The following ELP4 variants were observed in gnomAD, a reference collection of about 807,000 sequenced individuals.
ELP4 encodes elongator complex protein 4.
ELP4 carries 51 observed loss-of-function variants against 48.9 expected under a neutral mutation model. That is an observed-to-expected ratio of 1.04 (90% CI 0.83 to 1.32). ELP4 has a LOEUF of 1.32. ELP4 is among the 40% of genes most tolerant of loss of function. The pLI is 0.00. For synonymous variants in ELP4, 210 were observed against 189.2 expected, an observed-to-expected ratio of 1.11 and a Z score of -0.90; for missense variants, 519 against 514.6, an observed-to-expected ratio of 1.01 and a Z score of -0.08.
intron 9 of ELP4, among the ~76,000 whole-genome samples, chr11:31,755,805 C>T (rs1373653593): frequency 6.6e-6 from 1 of 151,314 alleles, no homozygotes; most frequent in Non-Finnish European, 1.5e-5. Context: ...TTAGTAATTA[C>T]TTATCAAATT....
chr11:31,543,069 A>T (rs1410042561), intron 3 of ELP4, among the ~76,000 whole-genome samples: 2 of 152,192 alleles, frequency 1.3e-5, no homozygotes, highest in Non-Finnish European at 2.9e-5. Flanking sequence ...AAATTTGAAG[A>T]CATGGCATTT....
At chr11:31,715,564 C>G (rs1266463398) in intron 9 of ELP4, among the ~76,000 whole-genome samples, 1 of 152,118 alleles carries the variant, frequency 6.6e-6, no homozygotes, top group Non-Finnish European at 1.5e-5. Context: ...ATATTAAGAT[C>G]AGGCATTCAA....
intron 9 of ELP4, among the ~76,000 whole-genome samples, chr11:31,730,873 T>A (rs1222985417): frequency 6.6e-6 from 1 of 151,830 alleles, no homozygotes; most frequent in Non-Finnish European, 1.5e-5. Context: ...TTCCTGGGGG[T>A]CACTGAGAAC....
At chr11:31,570,790 CTT>C (rs1183889559) in intron 3 of ELP4, among the ~76,000 whole-genome samples, 8 of 86,074 alleles carry the variant, frequency 9.3e-5, no homozygotes, top group East Asian at 3.6e-4. Context: ...ACTGTAAACT[CTT>C]TTTTTTTTTT....
At chr11:31,682,204 A>G (rs982622612) in intron 9 of ELP4, 3 of 583,740 alleles carry the variant, frequency 5.1e-6, no homozygotes, top group African/African-American at 4.1e-5. Context: ...TTGATACTGT[A>G]CTTGATATTT....
In ELP4 at chr11:31,567,970, T is replaced by C. The variant is rs548122984; in HGVS notation, c.382-26800T>C. Reference sequence around the variant, plus strand: ...GCAACAATGAAGATTGCCACATCAATTGACTCTTCTTCTTATTAAAGATTT... The same window carrying C: ...GCAACAATGAAGATTGCCACATCAACTGACTCTTCTTCTTATTAAAGATTT... On this transcript the variant is annotated intron_variant, in intron 3 of 9. Transcript: ENST00000640961. Among the ~76,000 whole-genome samples, 20 of 152,314 alleles carry C rather than the reference T, an allele frequency of 1.3e-4. 1 individual carries two copies. The South Asian group carries it at 3.1e-3, about 24-fold the overall frequency.
chr11:31,550,964 T>A (rs1005090733), intron 3 of ELP4, among the ~76,000 whole-genome samples: 5 of 152,212 alleles, frequency 3.3e-5, no homozygotes, highest in African/African-American at 1.2e-4. Context: ...TTGTGCTTTT[T>A]CTTCCGGATC....
chr11:31,768,280 A>C (rs768313045), intron 9 of ELP4, among the ~76,000 whole-genome samples: 156 of 152,234 alleles, frequency 1.0e-3, no homozygotes, highest in Non-Finnish European at 5.6e-4. Flanking sequence ...AAATAATACT[A>C]ATTAATATCA....
chr11:31,654,990 G>C (rs1000844966), intron 9 of ELP4: 1 of 84,326 alleles, frequency 1.2e-5, no homozygotes, highest in Non-Finnish European at 3.5e-5. Flanking sequence ...TTTATTCCTA[G>C]ATAACACTGC....
chr11:31,626,276 C>T (rs1156250729), intron 5 of ELP4, among the ~76,000 whole-genome samples: 2 of 151,810 alleles, frequency 1.3e-5, no homozygotes, highest in East Asian at 3.9e-4. Context: ...AAAGCAAATA[C>T]TTGCATAATT....
intron 9 of ELP4, among the ~76,000 whole-genome samples, chr11:31,749,574 G>A (rs183977627): frequency 1.6e-3 from 246 of 151,956 alleles, no homozygotes; most frequent in Non-Finnish European, 2.1e-3. Flanking sequence ...TTAAAACATC[G>A]ATTATTTAAC....
At chr11:31,617,416 T>C (rs1944513584) in intron 5 of ELP4, among the ~76,000 whole-genome samples, 1 of 151,376 alleles carries the variant, frequency 6.6e-6, no homozygotes. Context: ...TTACCAGGGG[T>C]TGAGGGAAAG....
intron 3 of ELP4, among the ~76,000 whole-genome samples, chr11:31,545,610 T>A (rs958740999): frequency 2.0e-5 from 3 of 152,034 alleles, no homozygotes; most frequent in Non-Finnish European, 4.4e-5. Flanking sequence ...CAGGCCAACA[T>A]TCAGATTCAG....
At chr11:31,682,325 T>G (rs1946070651) in intron 9 of ELP4, among the ~76,000 whole-genome samples, 1 of 152,160 alleles carries the variant, frequency 6.6e-6, no homozygotes, top group Non-Finnish European at 1.5e-5. Flanking sequence ...TTTGCCTTCC[T>G]CACTAGCTGC....
chr11:31,731,749 C>G (rs1034995891), intron 9 of ELP4, among the ~76,000 whole-genome samples: 14 of 152,042 alleles, frequency 9.2e-5, no homozygotes, highest in African/African-American at 3.4e-4. Flanking sequence ...GAAGTCAACA[C>G]TAAGACACAT....
intron 9 of ELP4, among the ~76,000 whole-genome samples, chr11:31,722,249 A>C (rs1049945855): frequency 6.6e-6 from 1 of 152,170 alleles, no homozygotes; most frequent in African/African-American, 2.4e-5. Flanking sequence ...TCTGTTTCCA[A>C]TGTTTATTCT....
intron 9 of ELP4, among the ~76,000 whole-genome samples, chr11:31,687,883 A>T (rs1423904352): frequency 6.6e-6 from 1 of 152,242 alleles, no homozygotes; most frequent in African/African-American, 2.4e-5. Context: ...TTACCCCCAA[A>T]CCAAATTAAG....
At chr11:31,602,675 T>TTGG (rs1417195749) in intron 4 of ELP4, among the ~76,000 whole-genome samples, 1 of 152,018 alleles carries the variant, frequency 6.6e-6, no homozygotes, top group Admixed American at 6.6e-5. Flanking sequence ...CCTTGAAGTC[T>TTGG]TAAATGCAAA....
At chr11:31,687,022 G>A (rs180833392) in intron 9 of ELP4, among the ~76,000 whole-genome samples, 1 of 152,224 alleles carries the variant, frequency 6.6e-6, no homozygotes, top group East Asian at 1.9e-4. Context: ...ATAATGATTA[G>A]ACATGAGATA....
Sources: allele counts gnomAD v4.1 joint callset (sites outside exome capture counted in the v4.1 genomes callset), GRCh38; gene constraint gnomAD v4.1.1; transcripts MANE v1.5; gene names NCBI Gene and HGNC (gene_info 2026-07-23, HGNC 2026-07-21).